PCDH15: variants seen among roughly 807,000 people sequenced by gnomAD.
The protein encoded by PCDH15 is protocadherin-15.
A neutral mutation model predicts 178.5 loss-of-function variants in PCDH15; 129 were observed. The observed-to-expected ratio is 0.72, with a 90% confidence interval of 0.63 to 0.84. The LOEUF is 0.84. Ranked by LOEUF, PCDH15 falls within the 40% of genes least tolerant of loss-of-function variation. PCDH15 has a pLI of 0.00. For missense variants in PCDH15, 2,230 were observed against 2,099.9 expected (o/e 1.06, Z -1.21); for synonymous variants, 800 against 732.0 (o/e 1.09, Z -1.50).
intron 26 of PCDH15, among the ~76,000 whole-genome samples, chr10:53,892,015 T>A (rs1017900812): frequency 7.2e-6 from 1 of 139,282 alleles, no homozygotes; most frequent in African/African-American, 2.9e-5. Flanking sequence ...CAGCTTTACA[T>A]CTATGTTTTT....
intron 2 of PCDH15, among the ~76,000 whole-genome samples, chr10:55,353,616 A>G (rs1844999880): frequency 6.6e-6 from 1 of 152,070 alleles, no homozygotes. Flanking sequence ...CATATTTATC[A>G]TACCAACAGT....
In PCDH15 at chr10:54,378,809, G is replaced by A; in HGVS notation, c.291C>T (p.Asn97=). 4 of 1,613,796 alleles carry A rather than the reference G, an allele frequency of 2.5e-6. No individual in the cohort carries two copies. The highest frequency in any genetic ancestry group is 3.4e-6 in the Non-Finnish European group (4 of 1,179,852). ...CTCTATCCAGAACTCTTCCGGTGCT[G>A]TTCAGGAAAAGCATTTGCTTAACAG... The part of the protein sequence containing the change: ...MDPVKQMLFL[N]STGRVLDRDP... Residue 97 remains asparagine (N), a synonymous_variant, in exon 4 of 38, where the codon AAC becomes AAT. Coordinates refer to ENST00000644397, the MANE Select transcript of PCDH15 (RefSeq NM_001384140.1).
intron 2 of PCDH15, among the ~76,000 whole-genome samples, chr10:55,118,236 G>T (rs1837674971): frequency 6.6e-6 from 1 of 152,132 alleles, no homozygotes; most frequent in Non-Finnish European, 1.5e-5. Flanking sequence ...TTTCAGGGAT[G>T]AAATTCAAAA....
intron 1 of PCDH15, among the ~76,000 whole-genome samples, chr10:55,211,401 T>G (rs1241881798): frequency 6.6e-6 from 1 of 152,156 alleles, no homozygotes; most frequent in Non-Finnish European, 1.5e-5. Context: ...TGTTGAAATG[T>G]AATCATTTGC....
At chr10:55,333,159 C>T (rs912697382) in intron 2 of PCDH15, among the ~76,000 whole-genome samples, 4 of 152,072 alleles carry the variant, frequency 2.6e-5, no homozygotes, top group Non-Finnish European at 5.9e-5. Flanking sequence ...CCAATTATAA[C>T]TTTAACATCA....
At chr10:54,821,892 G>A (rs761847062) in intron 3 of PCDH15, among the ~76,000 whole-genome samples, 3 of 151,932 alleles carry the variant, frequency 2.0e-5, no homozygotes, top group Non-Finnish European at 4.4e-5. Context: ...TCTTAAACAC[G>A]CTTTGAATTT....
At chr10:54,425,592 T>G (rs1219860) in intron 3 of PCDH15, among the ~76,000 whole-genome samples, 26,936 of 152,172 alleles carry the variant, frequency 0.18, 2,646 homozygotes, top group African/African-American at 0.26. Context: ...GAATTGGCTG[T>G]TTAGCTTCAG....
At chr10:53,914,441 A>T (rs1232189013) in intron 25 of PCDH15, among the ~76,000 whole-genome samples, 1 of 152,228 alleles carries the variant, frequency 6.6e-6, no homozygotes, top group Non-Finnish European at 1.5e-5. Context: ...GCCATAAAAA[A>T]TGATGAGTTC....
intron 10 of PCDH15, among the ~76,000 whole-genome samples, chr10:54,203,727 A>G (rs1228274419): frequency 1.2e-4 from 19 of 152,288 alleles, no homozygotes; most frequent in Non-Finnish European, 1.5e-4. Context: ...TAAAGCCTTC[A>G]ATATACAAGG....
intron 13 of PCDH15, among the ~76,000 whole-genome samples, chr10:54,178,792 A>G: frequency 6.6e-6 from 1 of 152,206 alleles, no homozygotes; most frequent in East Asian, 1.9e-4. Context: ...GAAGACATTT[A>G]TGCAGCCAAA....
chr10:55,021,751 T>C (rs1405541359), intron 2 of PCDH15, among the ~76,000 whole-genome samples: 1 of 152,202 alleles, frequency 6.6e-6, no homozygotes, highest in Admixed American at 6.5e-5. Flanking sequence ...CTTTTCTATA[T>C]GTATCTTGAA....
At chr10:54,747,823 T>TTTTTTTTTTTTA (rs1945663072) in intron 1 of PCDH15, among the ~76,000 whole-genome samples, 1 of 150,854 alleles carries the variant, frequency 6.6e-6, no homozygotes, top group African/African-American at 2.5e-5. Flanking sequence ...TTTTTTTTTT[T>TTTTTTTTTTTTA]GAGACGGAGT....
At chr10:55,279,109 T>C (rs776531040) in intron 1 of PCDH15, among the ~76,000 whole-genome samples, 28 of 152,136 alleles carry the variant, frequency 1.8e-4, no homozygotes, top group Non-Finnish European at 3.2e-4. Context: ...GCCATTCCGT[T>C]TACAACTGTG....
intron 2 of PCDH15, among the ~76,000 whole-genome samples, chr10:55,382,881 G>C (rs1837570900): frequency 6.6e-6 from 1 of 152,184 alleles, no homozygotes; most frequent in South Asian, 2.1e-4. Context: ...GCCAGGGCTA[G>C]GGCAAGCACT....
At chr10:55,246,743 A>C (rs2132218466) in intron 1 of PCDH15, among the ~76,000 whole-genome samples, 1 of 152,294 alleles carries the variant, frequency 6.6e-6, no homozygotes, top group South Asian at 2.1e-4. Flanking sequence ...TTACAGATGA[A>C]CTTAGTGGAG....
chr10:54,811,135 G>GTACA (rs1952856557), intron 3 of PCDH15, among the ~76,000 whole-genome samples: 1 of 150,806 alleles, frequency 6.6e-6, no homozygotes, highest in Admixed American at 6.6e-5. Context: ...AATATTATGT[G>GTACA]TATATATATA....
intron 27 of PCDH15, among the ~76,000 whole-genome samples, chr10:53,861,268 C>T (rs1195606928): frequency 6.6e-6 from 1 of 152,112 alleles, no homozygotes; most frequent in Admixed American, 6.5e-5. Flanking sequence ...TTTAATAATT[C>T]TCTGTGAAAT....
intron 2 of PCDH15, among the ~76,000 whole-genome samples, chr10:54,988,727 A>G (rs1839431550): frequency 6.6e-6 from 1 of 152,188 alleles, no homozygotes; most frequent in African/African-American, 2.4e-5. Context: ...ATTCAGTTTT[A>G]TAAGGGAAGC....
At chr10:53,899,116 T>C (rs1006126117) in intron 26 of PCDH15, among the ~76,000 whole-genome samples, 1 of 138,374 alleles carries the variant, frequency 7.2e-6, no homozygotes, top group African/African-American at 2.7e-5. Context: ...AATTATAACA[T>C]ATGTTTTTAT....
Sources: gnomAD v4.1 joint callset for allele counts (sites outside exome capture counted in the v4.1 genomes callset) on GRCh38, gnomAD v4.1.1 for gene constraint, MANE v1.5 for transcripts, NCBI Gene and HGNC (gene_info 2026-07-23, HGNC 2026-07-21) for gene names.